FAM171A1: variants seen among roughly 807,000 people sequenced by gnomAD.
FAM171A1 encodes the protein protein FAM171A1.
A neutral mutation model predicts 74.9 loss-of-function variants in FAM171A1; 23 were observed. The ratio of observed to expected loss-of-function variants is 0.31; its 90% CI spans 0.22 to 0.44. The LOEUF (loss-of-function observed/expected upper bound fraction) is 0.44. Ranked by LOEUF, FAM171A1 falls within the 20% of genes least tolerant of loss-of-function variation. The pLI is 1.00. For missense variants in FAM171A1, 1,162 were observed against 1,159.2 expected, an observed-to-expected ratio of 1.00 and a Z score of -0.03; for synonymous variants, 527 against 505.7, an observed-to-expected ratio of 1.04 and a Z score of -0.57.
At chr10:15,239,135 G>A (rs1178635038) in intron 5 of FAM171A1, among the ~76,000 whole-genome samples, 1 of 152,128 alleles carries the variant, frequency 6.6e-6, no homozygotes, top group South Asian at 2.1e-4. Context: ...GTAAACGTCT[G>A]TAAAATAGAG....
intron 3 of FAM171A1, among the ~76,000 whole-genome samples, chr10:15,263,745 A>G (rs56182417): frequency 0.16 from 13,006 of 83,542 alleles, 743 homozygotes; most frequent in Non-Finnish European, 0.2. Context: ...CTGTCTGTCT[A>G]TCTATCTATC....
intron 1 of FAM171A1, among the ~76,000 whole-genome samples, chr10:15,315,133 A>T (rs1835406959): frequency 6.6e-6 from 1 of 152,242 alleles, no homozygotes; most frequent in Non-Finnish European, 1.5e-5. Context: ...GAAGTTGGAC[A>T]CACGTATACA....
intron 3 of FAM171A1, 74 bp downstream of exon 3, chr10:15,275,781 T>A (rs776360973): frequency 5.0e-6 from 5 of 1,002,338 alleles, no homozygotes; most frequent in Non-Finnish European, 7.4e-6. Context: ...CACATCACAT[T>A]GTACACCATA....
intron 6 of FAM171A1, among the ~76,000 whole-genome samples, chr10:15,218,951 G>A (rs1834001318): frequency 6.6e-6 from 1 of 152,024 alleles, no homozygotes; most frequent in South Asian, 2.1e-4. Context: ...AAGCTCTCAG[G>A]GGAGCTACGT....
At chr10:15,249,022 G>GT (rs1834473519) in intron 4 of FAM171A1, among the ~76,000 whole-genome samples, 2 of 151,902 alleles carry the variant, frequency 1.3e-5, no homozygotes, top group Admixed American at 1.3e-4. Flanking sequence ...CTCAGAGAGA[G>GT]TAGTAATGGT....
At chr10:15,312,691 T>G (rs1460324318) in intron 1 of FAM171A1, among the ~76,000 whole-genome samples, 10 of 113,768 alleles carry the variant, frequency 8.8e-5, no homozygotes, top group South Asian at 3.3e-4. Context: ...TTTTTTTTTT[T>G]TTTTTTTTTT....
At chr10:15,352,564 G>A (rs905483046) in intron 1 of FAM171A1, among the ~76,000 whole-genome samples, 4 of 152,126 alleles carry the variant, frequency 2.6e-5, no homozygotes, top group African/African-American at 7.2e-5. Flanking sequence ...CCATCAAGAC[G>A]CAGAAAGAAA....
intron 2 of FAM171A1, among the ~76,000 whole-genome samples, chr10:15,278,125 G>T (rs1430320977): frequency 6.6e-6 from 1 of 152,128 alleles, no homozygotes. Flanking sequence ...TTTTCACTCA[G>T]CCTCCACACA....
upstream of FAM171A1, among the ~76,000 whole-genome samples, chr10:15,371,718 G>A (rs2131900227): frequency 6.6e-6 from 1 of 152,350 alleles, no homozygotes; most frequent in East Asian, 1.9e-4. Context: ...ATGGTACTTG[G>A]ATGGTTCTAG....
intron 2 of FAM171A1, among the ~76,000 whole-genome samples, chr10:15,276,512 C>T (rs559247825): frequency 5.3e-5 from 8 of 152,258 alleles, no homozygotes; most frequent in East Asian, 3.9e-4. Context: ...AGCCTCTTCA[C>T]ATTAGGAGTA....
chr10:15,282,160 A>C (rs1192804812), intron 2 of FAM171A1, among the ~76,000 whole-genome samples: 1 of 152,156 alleles, frequency 6.6e-6, no homozygotes, highest in Non-Finnish European at 1.5e-5. Flanking sequence ...AGCTCACTGC[A>C]GCCTCCACAT....
intron 1 of FAM171A1, among the ~76,000 whole-genome samples, chr10:15,359,788 G>A (rs1835973039): frequency 6.6e-6 from 1 of 152,190 alleles, no homozygotes; most frequent in Non-Finnish European, 1.5e-5. Context: ...TGCTGACTTG[G>A]CAATGGAAGG....
intron 1 of FAM171A1, among the ~76,000 whole-genome samples, chr10:15,303,866 G>A (rs774243073): frequency 1.3e-5 from 2 of 152,304 alleles, no homozygotes; most frequent in East Asian, 1.9e-4. Context: ...GAATACAAGC[G>A]TGGGCAGAAA....
Position 15,261,053 on chromosome 10 carries a change from CTT to C in FAM171A1, c.419-6176_419-6175del, listed in dbSNP as rs1330936341. On this transcript the variant is annotated intron_variant, in intron 3 of 7. Coordinates refer to ENST00000378116, the MANE Select transcript of FAM171A1 (RefSeq NM_001010924.2). ...TCAAGAGAGGAGAAGGCATTTCTCTCTTTGTCTCTTTCTGTGTCTTCCGCTGT... is the reference window on the plus strand; with the variant it reads ...TCAAGAGAGGAGAAGGCATTTCTCTCTGTCTCTTTCTGTGTCTTCCGCTGT... 3.3e-5 allele frequency among the ~76,000 whole-genome samples: 5 copies of C among 152,282 alleles called. No individual in the cohort carries two copies. The East Asian group carries it at 7.7e-4, about 23-fold the overall frequency.
At chr10:15,257,505 C>T (rs1834596022) in intron 3 of FAM171A1, among the ~76,000 whole-genome samples, 2 of 152,264 alleles carry the variant, frequency 1.3e-5, no homozygotes, top group South Asian at 4.1e-4. Flanking sequence ...GTGTTACATG[C>T]ATTTGGGTGG....
intron 1 of FAM171A1, among the ~76,000 whole-genome samples, chr10:15,356,011 T>C (rs1564289565): frequency 6.6e-6 from 1 of 152,004 alleles, no homozygotes; most frequent in Non-Finnish European, 1.5e-5. Context: ...ATTGAGATCA[T>C]TTGATCATTT....
intron 6 of FAM171A1, among the ~76,000 whole-genome samples, chr10:15,217,555 T>C (rs1057197030): frequency 1.3e-5 from 2 of 152,138 alleles, no homozygotes; most frequent in Admixed American, 6.5e-5. Context: ...ATTACTTCAA[T>C]GGAGTGCGAG....
intron 1 of FAM171A1, among the ~76,000 whole-genome samples, chr10:15,366,677 G>C (rs966952069): frequency 6.6e-6 from 1 of 152,212 alleles, no homozygotes; most frequent in East Asian, 1.9e-4. Flanking sequence ...CCTCTCTCTA[G>C]ATCTCTGAAA....
At chr10:15,356,249 T>C (rs1399879817) in intron 1 of FAM171A1, among the ~76,000 whole-genome samples, 13 of 149,152 alleles carry the variant, frequency 8.7e-5, no homozygotes, top group African/African-American at 2.8e-4. Context: ...TACATACATA[T>C]ATATATATAA....
Sources: gnomAD v4.1 joint callset for allele counts (sites outside exome capture counted in the v4.1 genomes callset) on GRCh38, gnomAD v4.1.1 for gene constraint, MANE v1.5 for transcripts, NCBI Gene and HGNC (gene_info 2026-07-23, HGNC 2026-07-21) for gene names.